The following SDK1 variants were observed in gnomAD, a reference collection of about 807,000 sequenced individuals.
SDK1 encodes sidekick cell adhesion molecule 1.
In SDK1, 157 loss-of-function variants were observed where a neutral mutation model predicts 245.5. The ratio of observed to expected loss-of-function variants is 0.64; its 90% confidence interval spans 0.56 to 0.73. The LOEUF (loss-of-function observed/expected upper bound fraction) is 0.73. SDK1 is among the 30% of genes least tolerant of loss of function. The pLI is 0.00. For missense variants in SDK1, 3,583 were observed against 3,002.3 expected (o/e 1.19, Z -4.52); for synonymous variants, 1,647 against 1,278.5 (o/e 1.29, Z -6.15).
intron 5 of SDK1, among the ~76,000 whole-genome samples, chr7:3,940,638 C>T (rs1014625816): frequency 4.0e-5 from 6 of 151,740 alleles, no homozygotes; most frequent in Non-Finnish European, 7.4e-5. Context: ...GCCTGGGCAA[C>T]ACGATGAAAC....
chr7:3,950,963 G>T lies in SDK1; in HGVS notation c.888G>T (p.Val296=), dbSNP rs1297479354. The T allele has an allele frequency of 6.2e-7, 1 of 1,614,062 alleles. No homozygotes were observed. Among genetic ancestry groups the T allele is most frequent in the East Asian group, 2.2e-5 (1 of 44,868 alleles). ...GTPETMAPTI[V]VPPGNRSVVA... ...CTGAAACCATGGCCCCAACCATTGT[G>T]GTTCCCCCGGGCAACAGAAGTGTGG... Residue 296 remains valine, a synonymous_variant, in exon 6 of 45, where the codon GTG becomes GTT. Transcript: ENST00000404826.
At chr7:3,792,691 CCCATCCATCCATCCATCCAT>C (rs71029696) in intron 4 of SDK1, among the ~76,000 whole-genome samples, 1 of 147,970 alleles carries the variant, frequency 6.8e-6, no homozygotes, top group African/African-American at 2.5e-5. Flanking sequence ...CCTGCAGTCT[CCCATCCATCCATCCATCCAT>C]CCATCCATCC....
At chr7:3,684,068 T>C (rs1037319369) in intron 4 of SDK1, among the ~76,000 whole-genome samples, 1 of 152,202 alleles carries the variant, frequency 6.6e-6, no homozygotes, top group African/African-American at 2.4e-5. Context: ...AGTTCCGCTG[T>C]GGGGTGGTGG....
intron 1 of SDK1, among the ~76,000 whole-genome samples, chr7:3,502,219 A>G (rs994905875): frequency 6.6e-6 from 1 of 150,950 alleles, no homozygotes; most frequent in African/African-American, 2.5e-5. Context: ...AAAATGTTTC[A>G]AAGATTTTTT....
chr7:4,164,929 G>A (rs963568904), intron 32 of SDK1, among the ~76,000 whole-genome samples: 4 of 152,208 alleles, frequency 2.6e-5, no homozygotes, highest in African/African-American at 9.7e-5. Context: ...GGCAATTGAA[G>A]TATAATTAAA....
intron 9 of SDK1, among the ~76,000 whole-genome samples, chr7:3,966,509 G>GA (rs1469772031): frequency 6.6e-6 from 1 of 151,986 alleles, no homozygotes; most frequent in Non-Finnish European, 1.5e-5. Flanking sequence ...TCGGGGCCGT[G>GA]ACCATCCCCC....
rs781738693 is a variant in SDK1 at position 3,821,460 on chromosome 7, T to C, written c.724T>C (p.Leu242=). ...TCTTTTCTGAAACAGAGCCATCACA[T>C]TGGAGAATCAGCTGGTGATCCTCGC... ...IIPSNRIAIT[L]ENQLVILATT... is the part of the protein sequence containing the mutation. The change falls in exon 5 of 45, where the codon TTG becomes CTG. Residue 242 remains leucine (L), a synonymous_variant. Coordinates refer to ENST00000404826, the MANE Select transcript of SDK1 (RefSeq NM_152744.4). The C allele has an allele frequency of 1.9e-5, 31 of 1,613,560 alleles. No homozygotes were observed. Among genetic ancestry groups the C allele is most frequent in the South Asian group, 7.7e-5 (7 of 90,944 alleles).
At chr7:3,336,207 C>G (rs778293016) in intron 1 of SDK1, among the ~76,000 whole-genome samples, 3 of 152,168 alleles carry the variant, frequency 2.0e-5, no homozygotes, top group Non-Finnish European at 4.4e-5. Flanking sequence ...TCCCAGGCTT[C>G]GAGAGCAGGC....
rs578200352 is a variant in SDK1, at chr7:3,800,776, C to A, written c.714-20674C>A. The stretch of plus-strand genomic sequence containing the variant: ...ACTCCTAAATATACACACACCCAAT[C>A]CCTGAATCAGAAGACCAAAGTCCTT... On this transcript the variant is annotated intron_variant, in intron 4 of 44. Coordinates refer to ENST00000404826, the MANE Select transcript of SDK1 (RefSeq NM_152744.4). Among the ~76,000 whole-genome samples the A allele has an allele frequency of 5.3e-5, 8 of 152,202 alleles. No individual in the cohort carries two copies. The East Asian group carries it at 1.4e-3, about 26-fold the overall frequency.
intron 5 of SDK1, among the ~76,000 whole-genome samples, chr7:3,942,028 C>T (rs1780388149): frequency 6.6e-6 from 1 of 151,738 alleles, no homozygotes; most frequent in South Asian, 2.1e-4. Context: ...CCTGCCTCAG[C>T]CTCCCGTAGC....
chr7:3,628,149 C>G (rs1782177475), intron 2 of SDK1, among the ~76,000 whole-genome samples: 1 of 151,958 alleles, frequency 6.6e-6, no homozygotes, highest in African/African-American at 2.4e-5. Context: ...ATGTATAATC[C>G]CAGGCCTGAG....
intron 44 of SDK1, among the ~76,000 whole-genome samples, chr7:4,246,299 C>G (rs1786856421): frequency 1.3e-5 from 2 of 152,274 alleles, no homozygotes; most frequent in Admixed American, 1.3e-4. Flanking sequence ...CGTGCTCCAT[C>G]TCATGTAGTC....
In SDK1 at chr7:3,350,221, C is replaced by G. The variant is rs1364951777; in HGVS notation, c.298+48337C>G. Among the ~76,000 whole-genome samples, 2 of 151,944 alleles carry G rather than the reference C, an allele frequency of 1.3e-5. 1 individual carries two copies. Among genetic ancestry groups the G allele is most frequent in the Non-Finnish European group, 2.9e-5 (2 of 67,990 alleles). ...TATCAGAAAACATAGGATGGATGTG[C>G]CACAGAGGAAGAAGTTGTCACTTAA... On this transcript the variant is annotated intron_variant, in intron 1 of 44. Coordinates refer to ENST00000404826, the MANE Select transcript of SDK1 (RefSeq NM_152744.4).
At chr7:4,249,044 T>C (rs1311370776) in intron 44 of SDK1, among the ~76,000 whole-genome samples, 1 of 145,950 alleles carries the variant, frequency 6.9e-6, no homozygotes, top group Non-Finnish European at 1.5e-5. Flanking sequence ...CATATGCATA[T>C]ACACCTAAAT....
rs10541704 is a variant in SDK1, at chr7:4,203,533, TAAAA to T, written c.5099-2338_5099-2335del. Reference sequence around the variant, plus strand: ...AAAATAATTTCATGTATTTTTTTTTTAAAAAAAAAAAGCTTCCAAGCTGGTATGT... The same window carrying T: ...AAAATAATTTCATGTATTTTTTTTTTAAAAAAAGCTTCCAAGCTGGTATGT... On this transcript the variant is annotated intron_variant, in intron 35 of 44. Transcript: ENST00000404826. 9.5e-4 allele frequency among the ~76,000 whole-genome samples: 142 copies of T among 148,700 alleles called. No homozygotes were observed. The Middle Eastern group carries it at 0.014, about 14-fold the overall frequency.
At chr7:3,887,932 GTTGTC>G (rs1434685041) in intron 5 of SDK1, among the ~76,000 whole-genome samples, 1 of 152,134 alleles carries the variant, frequency 6.6e-6, no homozygotes, top group Non-Finnish European at 1.5e-5. Context: ...ATTCAAATGT[GTTGTC>G]TTGTATTTCT....
chr7:3,445,956 TTTA>T lies in SDK1; in HGVS notation c.298+144078_298+144080del, dbSNP rs530876689. ...GTCGGTCTACTGGAGACAAATTCTC[TTTA>T]TTATTTCAACTGAGAATGTCTTAAT... On this transcript the variant is annotated intron_variant, in intron 1 of 44. Coordinates refer to ENST00000404826, the MANE Select transcript of SDK1 (RefSeq NM_152744.4). Among the ~76,000 whole-genome samples the T allele has an allele frequency of 1.2e-4, 18 of 152,238 alleles. No homozygotes were observed. The South Asian group carries it at 3.5e-3, about 30-fold the overall frequency.
chr7:4,098,510 C>A (rs577236223), intron 22 of SDK1, among the ~76,000 whole-genome samples: 1 of 152,164 alleles, frequency 6.6e-6, no homozygotes, highest in South Asian at 2.1e-4. Context: ...CCAGCAGACA[C>A]TTATTAAGCA....
intron 5 of SDK1, among the ~76,000 whole-genome samples, chr7:3,850,039 T>C (rs903514576): frequency 3.3e-5 from 5 of 152,250 alleles, no homozygotes; most frequent in South Asian, 2.1e-4. Context: ...CTTGGAGTTA[T>C]GTAACATCAG....
Sources: gnomAD v4.1 joint callset for allele counts (sites outside exome capture counted in the v4.1 genomes callset) on GRCh38, gnomAD v4.1.1 for gene constraint, MANE v1.5 for transcripts, NCBI Gene and HGNC (gene_info 2026-07-23, HGNC 2026-07-21) for gene names.